Variants in HELLS observed in about 807,000 individuals in gnomAD.
HELLS encodes the protein lymphoid-specific helicase.
HELLS carries 32 observed loss-of-function variants against 120.0 expected under a neutral mutation model. The observed-to-expected ratio is 0.27, with a 90% CI of 0.20 to 0.36. The LOEUF (loss-of-function observed/expected upper bound fraction) is 0.36, where lower values mean the gene tolerates loss of function less well. HELLS is among the 10% of genes least tolerant of loss of function. The pLI is 1.00. For missense variants in HELLS, 650 were observed against 993.4 expected, an observed-to-expected ratio of 0.65 and a Z score of 4.65; for synonymous variants, 341 against 323.4, an observed-to-expected ratio of 1.05 and a Z score of -0.58.
At chr10:94,590,375 T>G (rs781435696) in intron 13 of HELLS, 38 bp from the exon 14 acceptor site, 8 of 1,563,546 alleles carry the variant, frequency 5.1e-6, no homozygotes, top group African/African-American at 1.4e-5. Context: ...AGGACATAGC[T>G]TTATAAACTG....
intron 11 of HELLS, among the ~76,000 whole-genome samples, 156 bp downstream of exon 11, chr10:94,581,678 G>A (rs1312910305): frequency 1.3e-5 from 2 of 152,130 alleles, no homozygotes; most frequent in African/African-American, 4.8e-5. Context: ...TTATGTGAGA[G>A]CAGATTAAGA....
chr10:94,581,579 A>C (rs12220588), intron 11 of HELLS, 57 bp downstream of exon 11: 517,768 of 1,278,954 alleles, frequency 0.4, 108,041 homozygotes, highest in East Asian at 0.65. Context: ...GTTAGTTAAA[A>C]TTACTTTCTT....
chr10:94,554,841 T>C (rs1843172466), intron 3 of HELLS, among the ~76,000 whole-genome samples: 1 of 152,058 alleles, frequency 6.6e-6, no homozygotes, highest in South Asian at 2.1e-4. Flanking sequence ...CACGTCTATG[T>C]TATGAGGTCT....
In HELLS at chr10:94,574,735, A is replaced by C; in HGVS notation, c.887A>C (p.Asp296Ala). ...GCTGAATTCAAAAGATTTACACCAG[A>C]TGTAAGACATGCTTCCTTATGTTAA... is the stretch of plus-strand genomic sequence containing the variant. ...WMAEFKRFTP[D>A]IPTMLYHGTQ... The change falls in exon 9 of 22, where the codon GAT becomes GCT. Residue 296 changes from aspartate to alanine, a missense_variant and splice_region_variant. Asp to Ala is a moderately radical substitution (Grantham distance 126). Around this residue, in one of 9 missense-constraint regions of HELLS, gnomAD observed 61 missense variants for 86.5 expected, o/e 0.71. Transcript: ENST00000348459. 1 of 1,605,558 alleles carries C rather than the reference A, an allele frequency of 6.2e-7. No individual in the cohort carries two copies. The highest frequency in any genetic ancestry group is 8.5e-7 in the Non-Finnish European group (1 of 1,174,512).
rs1219321216 is a variant in HELLS at position 94,594,859 on chromosome 10, A to G, written c.2248+5A>G. On this transcript the variant is annotated splice_donor_5th_base_variant and intron_variant, in intron 19 of 21. Transcript: ENST00000348459. ...AAAAGTTGATCATCCATAAAAGTAA[A>G]TAACACTTATGTAGTGCTTTATTGT... is the stretch of plus-strand genomic sequence containing the variant. The G allele has an allele frequency of 1.9e-6, 3 of 1,596,660 alleles. No homozygotes were observed. Among genetic ancestry groups the G allele is most frequent in the East Asian group, 2.2e-5 (1 of 44,758 alleles).
Position 94,601,872 on chromosome 10 carries a change from A to C in HELLS, c.*250A>C. 1.2e-5 allele frequency: 3 copies of C among 249,582 alleles called. 1 individual carries two copies. The South Asian group carries it at 2.3e-4, about 20-fold the overall frequency. The allele number at this position is 249,582 out of a possible 1,614,324, so 15.5% of individuals were successfully genotyped here. On this transcript the variant is annotated 3_prime_UTR_variant, in exon 22 of 22. Coordinates refer to ENST00000348459, the MANE Select transcript of HELLS (RefSeq NM_018063.5). ...TATTCTTGGATACAGGCTGATGTGT[A>C]CTTAACCACTTCCAGATTTATACAG...
intron 12 of HELLS, among the ~76,000 whole-genome samples, chr10:94,584,653 T>C (rs1845033457): frequency 6.6e-6 from 1 of 152,156 alleles, no homozygotes; most frequent in Non-Finnish European, 1.5e-5. Context: ...CCTCACAGTG[T>C]ATACAGGTAG....
chr10:94,553,365 C>T (rs562588025), intron 2 of HELLS, among the ~76,000 whole-genome samples: 1 of 152,082 alleles, frequency 6.6e-6, no homozygotes, highest in Admixed American at 6.5e-5. Flanking sequence ...TCTCCTGCCT[C>T]AGCCTCCTGA....
chr10:94,577,980 G>T (rs1049748974), intron 10 of HELLS, among the ~76,000 whole-genome samples: 3 of 151,324 alleles, frequency 2.0e-5, no homozygotes, highest in Non-Finnish European at 4.4e-5. Flanking sequence ...GGAGAATGGC[G>T]TGAACCCGGG....
In HELLS at chr10:94,581,508, T is replaced by C; in HGVS notation, c.1215T>C (p.Phe405=). 1 of 1,606,870 alleles carries C rather than the reference T, an allele frequency of 6.2e-7. No individual in the cohort carries two copies. The highest frequency in any genetic ancestry group is 1.1e-5 in the South Asian group (1 of 89,176). ...TAAACTTTTTGTTGCCAGATGTATT[T>C]GATGACTTGAAAAGGTGGGTAAGCC... is the stretch of plus-strand genomic sequence containing the variant. ...SLLNFLLPDV[F]DDLKSFESWF... is the part of the protein sequence containing the mutation. Residue 405 remains phenylalanine, a synonymous_variant, in exon 11 of 22, where the codon TTT becomes TTC. Coordinates refer to ENST00000348459, the MANE Select transcript of HELLS (RefSeq NM_018063.5).
chr10:94,587,413 C>T (rs1317704651), intron 12 of HELLS, among the ~76,000 whole-genome samples: 3 of 152,004 alleles, frequency 2.0e-5, no homozygotes, highest in African/African-American at 7.3e-5. Context: ...TACAAATGAT[C>T]CAGTTATACA....
downstream of HELLS, among the ~76,000 whole-genome samples, chr10:94,605,067 G>T (rs1438342469): frequency 3.0e-4 from 24 of 79,708 alleles, no homozygotes; most frequent in Non-Finnish European, 4.8e-4. Context: ...ACTGTGTCTT[G>T]TGTCTCCCCC....
rs750024441 is a variant in HELLS at position 94,594,691 on chromosome 10, T to C, written c.2089-4T>C. On this transcript the variant is annotated splice_region_variant and splice_polypyrimidine_tract_variant and intron_variant, in intron 18 of 21. Coordinates refer to ENST00000348459, the MANE Select transcript of HELLS (RefSeq NM_018063.5). ...TAAATATTATTTTTCTTTTTAACTT[T>C]AAGAACCCCCAGTCGGATCTTCAGG... 1.3e-6 allele frequency: 2 copies of C among 1,587,924 alleles called. No homozygotes were observed. Among genetic ancestry groups the C allele is most frequent in the Non-Finnish European group, 1.7e-6 (2 of 1,171,114 alleles).
At chr10:94,609,673 G>A (rs3740358) in intron 9 of HELLS, among the ~76,000 whole-genome samples, 73,169 of 152,002 alleles carry the variant, frequency 0.48, 18,188 homozygotes, top group East Asian at 0.78. Flanking sequence ...TTTGAATGGT[G>A]TGAGACAAAA....
chr10:94,565,358 C>T (rs1353053336), intron 6 of HELLS, among the ~76,000 whole-genome samples: 10 of 151,368 alleles, frequency 6.6e-5, no homozygotes, highest in Admixed American at 6.6e-4. Context: ...TTAGGGTCCA[C>T]TGAAATTCAT....
chr10:94,612,589 A>G (rs1186157703), exon 10 of HELLS: 4 of 152,196 alleles, frequency 2.6e-5, no homozygotes, highest in African/African-American at 9.7e-5. Context: ...TGTAATCCTC[A>G]TAAGTAAAAG....
chr10:94,550,006 T>C (rs1842906405), intron 2 of HELLS, among the ~76,000 whole-genome samples: 2 of 152,104 alleles, frequency 1.3e-5, no homozygotes, highest in Non-Finnish European at 2.9e-5. Context: ...CTGCAACCTC[T>C]GCCTCCGGGG....
In HELLS at chr10:94,557,195, A is replaced by T. The variant is rs1381852441; in HGVS notation, c.277-944A>T. Reference sequence around the variant, plus strand: ...TTCCACTAGACTGTTATGAAGATTTAAAAACTTGTGCAAATTGAGAGAATA... The same window carrying T: ...TTCCACTAGACTGTTATGAAGATTTTAAAACTTGTGCAAATTGAGAGAATA... On this transcript the variant is annotated intron_variant, in intron 3 of 21. Transcript: ENST00000348459. 2.3e-5 allele frequency: 10 copies of T among 425,536 alleles called. No individual in the cohort carries two copies. In the East Asian group the frequency reaches 6.8e-4, roughly 29 times the overall value. 26.4% of individuals were successfully genotyped at this position (425,536 alleles called of 1,614,324 possible).
chr10:94,578,905 A>C (rs1844661142), intron 10 of HELLS, among the ~76,000 whole-genome samples: 1 of 152,116 alleles, frequency 6.6e-6, no homozygotes, highest in African/African-American at 2.4e-5. Flanking sequence ...ATCTGACGGG[A>C]GGCAGAGCTC....
Sources: allele counts gnomAD v4.1 joint callset (sites outside exome capture counted in the v4.1 genomes callset), GRCh38; gene constraint gnomAD v4.1.1; regional missense constraint gnomAD v4.1.1; transcripts MANE v1.5; gene names NCBI Gene and HGNC (gene_info 2026-07-23, HGNC 2026-07-21).